SLIT3: variants seen among roughly 807,000 people sequenced by gnomAD.
The protein encoded by SLIT3 is slit guidance ligand 3, also known as slit homolog 3 protein.
Under a neutral mutation model 184.0 loss-of-function variants are expected in SLIT3, and 68 were observed. That is an observed-to-expected ratio of 0.37 (90% CI 0.30 to 0.45). The LOEUF (loss-of-function observed/expected upper bound fraction) is 0.45, where lower values mean the gene tolerates loss of function less well. SLIT3 is among the 20% of genes least tolerant of loss of function. The pLI, the probability that SLIT3 is intolerant of heterozygous loss-of-function variation, is 1.00. For missense variants in SLIT3, 1,707 were observed against 2,026.0 expected (o/e 0.84, Z 3.02); for synonymous variants, 831 against 828.6 (o/e 1.00, Z -0.05).
At chr5:168,897,644 A>ACGCGCG (rs59784827) in intron 4 of SLIT3, among the ~76,000 whole-genome samples, 5 of 124,128 alleles carry the variant, frequency 4.0e-5, no homozygotes, top group Non-Finnish European at 7.2e-5. Context: ...AGACAGGTGC[A>ACGCGCG]CGTACACACA....
chr5:168,666,801 T>G (rs1561863767), intron 35 of SLIT3, 112 bp from the exon 36 acceptor site: 1 of 1,530,900 alleles, frequency 6.5e-7, no homozygotes. Context: ...CTGTAAGAAT[T>G]TATTCACTCA....
At chr5:168,746,373 AGTGTGGTG>A (rs1217777391) in intron 20 of SLIT3, among the ~76,000 whole-genome samples, 2 of 60,658 alleles carry the variant, frequency 3.3e-5, no homozygotes, top group Non-Finnish European at 6.5e-5. Context: ...GTGGTGTGTG[AGTGTGGTG>A]GTGTGGGTGT....
At chr5:168,902,101 A>G (rs1464074207) in intron 4 of SLIT3, among the ~76,000 whole-genome samples, 1 of 152,156 alleles carries the variant, frequency 6.6e-6, no homozygotes, top group Non-Finnish European at 1.5e-5. Context: ...CATTTTGGCC[A>G]GTATGGTCTT....
At chr5:168,690,534 C>G (rs1761874521) in intron 29 of SLIT3, among the ~76,000 whole-genome samples, 1 of 152,208 alleles carries the variant, frequency 6.6e-6, no homozygotes, top group East Asian at 1.9e-4. Flanking sequence ...TTTGCATTTA[C>G]ATGTCTCTTC....
At chr5:169,289,537 G>T (rs556853262) in intron 1 of SLIT3, among the ~76,000 whole-genome samples, 10 of 152,216 alleles carry the variant, frequency 6.6e-5, no homozygotes, top group Admixed American at 5.9e-4. Context: ...CATGATAAAA[G>T]ATTTCAGATG....
chr5:168,789,783 C>A, intron 10 of SLIT3, 152 bp from the exon 11 acceptor site: 1 of 612,078 alleles, frequency 1.6e-6, no homozygotes, highest in Non-Finnish European at 2.9e-6. Context: ...AGAGAAGGAG[C>A]TTAAAGAGCC....
intron 4 of SLIT3, among the ~76,000 whole-genome samples, chr5:168,915,597 T>C (rs1037133430): frequency 2.0e-5 from 3 of 152,214 alleles, no homozygotes; most frequent in African/African-American, 7.2e-5. Context: ...ATATCCAAAA[T>C]ATAATTTCAA....
chr5:169,035,119 A>T (rs1757187536), intron 4 of SLIT3, among the ~76,000 whole-genome samples: 1 of 152,062 alleles, frequency 6.6e-6, no homozygotes, highest in South Asian at 2.1e-4. Flanking sequence ...GAGACTTAGA[A>T]CCACTAACTT....
chr5:168,911,730 C>A (rs560392740), intron 4 of SLIT3, among the ~76,000 whole-genome samples: 3 of 152,302 alleles, frequency 2.0e-5, no homozygotes, highest in African/African-American at 7.2e-5. Context: ...ATAGCAAATT[C>A]AGGTTCAAGT....
intron 4 of SLIT3, among the ~76,000 whole-genome samples, chr5:168,992,079 T>C (rs1169830088): frequency 6.6e-6 from 1 of 152,256 alleles, no homozygotes; most frequent in East Asian, 1.9e-4. Context: ...CAAGCATTTT[T>C]ACCCTTTGGC....
intron 4 of SLIT3, among the ~76,000 whole-genome samples, chr5:169,051,148 C>T (rs1420418020): frequency 6.6e-6 from 1 of 152,096 alleles, no homozygotes; most frequent in East Asian, 1.9e-4. Flanking sequence ...GTGGGTCCTT[C>T]AGAACCGGAA....
At chr5:168,898,895 A>G (rs938277661) in intron 4 of SLIT3, among the ~76,000 whole-genome samples, 12 of 152,218 alleles carry the variant, frequency 7.9e-5, no homozygotes, top group African/African-American at 2.9e-4. Flanking sequence ...ACCCACAGAA[A>G]GGAGAAACAG....
intron 4 of SLIT3, among the ~76,000 whole-genome samples, chr5:168,955,610 C>A (rs568898990): frequency 6.6e-6 from 1 of 152,340 alleles, no homozygotes; most frequent in Non-Finnish European, 1.5e-5. Flanking sequence ...GGCAGGTGAA[C>A]TGGTGCCTGC....
At chr5:168,914,419 G>A (rs891760475) in intron 4 of SLIT3, among the ~76,000 whole-genome samples, 2 of 152,290 alleles carry the variant, frequency 1.3e-5, no homozygotes, top group South Asian at 2.1e-4. Context: ...GAGCCACATT[G>A]GCAATAGCAA....
intron 28 of SLIT3, 74 bp from the exon 29 acceptor site, chr5:168,692,774 G>C (rs1160738424): frequency 3.7e-6 from 4 of 1,069,320 alleles, no homozygotes; most frequent in Non-Finnish European, 5.7e-6. Context: ...CAGAGTACTA[G>C]GGGGGATATC....
intron 4 of SLIT3, among the ~76,000 whole-genome samples, chr5:168,908,297 C>T (rs145037302): frequency 3.9e-5 from 6 of 152,148 alleles, no homozygotes; most frequent in African/African-American, 1.2e-4. Context: ...CAGTGGTAGA[C>T]GAGTCACCTG....
In SLIT3 at chr5:168,893,228, T is replaced by C. The variant is rs185169183; in HGVS notation, c.414-9892A>G. ...GGTGTGGACAGGGAGCTTGTTCACCTGATTCAAAAGGATGGAGACTGGCGT... is the reference window on the plus strand; with the variant it reads ...GGTGTGGACAGGGAGCTTGTTCACCCGATTCAAAAGGATGGAGACTGGCGT... On this transcript the variant is annotated intron_variant, in intron 4 of 35. Coordinates refer to ENST00000519560, the MANE Select transcript of SLIT3 (RefSeq NM_003062.4). Among the ~76,000 whole-genome samples, 539 of 152,326 alleles carry C rather than the reference T, an allele frequency of 3.5e-3. 3 individuals are homozygous for C. The highest frequency in any genetic ancestry group is 0.012 in the African/African-American group (509 of 41,572).
intron 1 of SLIT3, among the ~76,000 whole-genome samples, chr5:169,270,311 C>T (rs1561778948): frequency 1.3e-5 from 2 of 152,176 alleles, no homozygotes; most frequent in South Asian, 2.1e-4. Flanking sequence ...TCCATATCCC[C>T]GCACACCAAG....
chr5:169,131,409 T>C (rs1378054864), intron 4 of SLIT3, among the ~76,000 whole-genome samples: 1 of 152,124 alleles, frequency 6.6e-6, no homozygotes, highest in Non-Finnish European at 1.5e-5. Context: ...CAGCAATAGG[T>C]ATTCTAACAA....
Sources: allele counts gnomAD v4.1 joint callset (sites outside exome capture counted in the v4.1 genomes callset), GRCh38; gene constraint gnomAD v4.1.1; transcripts MANE v1.5; gene names NCBI Gene and HGNC (gene_info 2026-07-23, HGNC 2026-07-21).